OR2L3: variants seen among roughly 807,000 people sequenced by gnomAD.
OR2L3 encodes olfactory receptor 2L3.
For missense variants in OR2L3, 369 were observed against 376.6 expected, an observed-to-expected ratio of 0.98 and a Z score of 0.17; for synonymous variants, 131 against 139.1, an observed-to-expected ratio of 0.94 and a Z score of 0.41.
chr1:248,055,199 T>C (rs1038376592), intron 1 of OR2L3, among the ~76,000 whole-genome samples: 4 of 152,202 alleles, frequency 2.6e-5, no homozygotes, highest in African/African-American at 9.6e-5. Context: ...GAGATAATCA[T>C]GTAGTTTTTG....
chr1:248,063,027 A>T lies in OR2L3; in HGVS notation c.*1407A>T, dbSNP rs1572709199. Reference sequence around the variant, plus strand: ...TTTGTAGTATAGTTTGAAGTTTGGTACTCATGCCTCCAGTTTTTTCTTTTT... The same window carrying T: ...TTTGTAGTATAGTTTGAAGTTTGGTTCTCATGCCTCCAGTTTTTTCTTTTT... On this transcript the variant is annotated 3_prime_UTR_variant, in exon 2 of 2. Transcript: ENST00000359959. 1 of 152,078 alleles carries T rather than the reference A, an allele frequency of 6.6e-6. No homozygotes were observed. Among genetic ancestry groups the T allele is most frequent in the East Asian group, 1.9e-4 (1 of 5,198 alleles). 9.4% of individuals were successfully genotyped at this position (152,078 alleles called of 1,614,324 possible). A position where few individuals can be genotyped will look rare whatever the true frequency, so the allele number is the denominator to read the frequency against.
intron 1 of OR2L3, among the ~76,000 whole-genome samples, chr1:248,050,263 G>GAA (rs1226017285): frequency 7.0e-6 from 1 of 142,894 alleles, no homozygotes; most frequent in African/African-American, 2.5e-5. Context: ...AATTTTTAGT[G>GAA]AAAAAAAAAA....
chr1:248,061,194 G>A lies in OR2L3; in HGVS notation c.513G>A (p.Arg171=). The change falls in exon 2 of 2, where the codon AGG becomes AGA. Residue 171 remains arginine, a synonymous_variant. Coordinates refer to ENST00000359959, the MANE Select transcript of OR2L3 (RefSeq NM_001004687.2). The stretch of plus-strand genomic sequence containing the variant: ...TCCATATTCCTTATTGCCAATCCAG[G>A]GCCATCAATCATTTCTTCTGTGATG... The part of the protein sequence containing the change: ...YVLHIPYCQS[R]AINHFFCDVP... 1.2e-6 allele frequency: 2 copies of A among 1,611,922 alleles called. No homozygotes were observed. Among genetic ancestry groups the A allele is most frequent in the Non-Finnish European group, 1.7e-6 (2 of 1,179,532 alleles).
intron 1 of OR2L3, among the ~76,000 whole-genome samples, chr1:248,054,399 C>T (rs1477615729): frequency 1.3e-5 from 2 of 152,220 alleles, no homozygotes; most frequent in African/African-American, 4.8e-5. Flanking sequence ...CTGATGCCTC[C>T]AGCTTTGTTC....
chr1:248,057,929 G>A (rs910848091), intron 1 of OR2L3, among the ~76,000 whole-genome samples: 1 of 152,054 alleles, frequency 6.6e-6, no homozygotes, highest in African/African-American at 2.4e-5. Context: ...AATAATTTTA[G>A]TTCTTTCTTT....
rs996744524 is a variant in OR2L3 at position 248,062,394 on chromosome 1, G to T, written c.*774G>T. ...TTTCTGCTTAAAAATATCCAGTTTT[G>T]CCAGCACCTTATATTGAAGACACTG... On this transcript the variant is annotated 3_prime_UTR_variant, in exon 2 of 2. Coordinates refer to ENST00000359959, the MANE Select transcript of OR2L3 (RefSeq NM_001004687.2). The T allele has an allele frequency of 6.6e-6, 1 of 152,128 alleles. No homozygotes were observed. Among genetic ancestry groups the T allele is most frequent in the Non-Finnish European group, 1.5e-5 (1 of 68,034 alleles). The allele number at this position is 152,128 out of a possible 1,614,324, so 9.4% of individuals were successfully genotyped here.
chr1:248,061,078 A>G lies in OR2L3; in HGVS notation c.397A>G (p.Ile133Val), dbSNP rs1663614897. 1.9e-6 allele frequency: 3 copies of G among 1,614,022 alleles called. No homozygotes were observed. The highest frequency in any genetic ancestry group is 1.3e-5 in the African/African-American group (1 of 74,952). The change falls in exon 2 of 2, where the codon ATC becomes GTC. Residue 133 changes from isoleucine (I) to valine (V), a missense_variant. Coordinates refer to ENST00000359959, the MANE Select transcript of OR2L3 (RefSeq NM_001004687.2). The part of the protein sequence containing the change: ...IAICFPLHYP[I>V]RMSKRMCVLM... ...TATTTGCTTTCCTCTTCACTATCCC[A>G]TCCGCATGAGCAAAAGAATGTGTGT... is the stretch of plus-strand genomic sequence containing the variant.
intron 1 of OR2L3, among the ~76,000 whole-genome samples, chr1:248,050,318 C>T (rs1572698550): frequency 6.6e-6 from 1 of 151,780 alleles, no homozygotes; most frequent in East Asian, 1.9e-4. Context: ...AAAATACCTT[C>T]CTTATAGCTA....
intron 1 of OR2L3, among the ~76,000 whole-genome samples, chr1:248,047,777 G>A (rs1663125844): frequency 6.6e-6 from 1 of 152,188 alleles, no homozygotes; most frequent in Admixed American, 6.5e-5. Flanking sequence ...GATAAGAAGT[G>A]TGTGAGTGTA....
In OR2L3 at chr1:248,060,941, G is replaced by A; in HGVS notation, c.260G>A (p.Gly87Asp). The A allele has an allele frequency of 1.9e-6, 3 of 1,613,876 alleles. No individual in the cohort carries two copies. Among genetic ancestry groups the A allele is most frequent in the Non-Finnish European group, 2.5e-6 (3 of 1,179,874 alleles). Reference sequence around the variant, plus strand: ...AAGATGGCATCTGATTTTCTGTCTGGTAACAAGTCTATCTCCTTCACTGGG... The same window carrying A: ...AAGATGGCATCTGATTTTCTGTCTGATAACAAGTCTATCTCCTTCACTGGG... Reference protein sequence around the residue: ...VPKMASDFLSGNKSISFTGCG... With the variant: ...VPKMASDFLSDNKSISFTGCG... The change falls in exon 2 of 2, where the codon GGT (glycine) becomes GAT (aspartate). Residue 87 changes from glycine to aspartate, a missense_variant. Physicochemically the swap from Gly to Asp is moderately conservative, Grantham distance 94. Transcript: ENST00000359959.
chr1:248,061,593 T>C lies in OR2L3; in HGVS notation c.912T>C (p.Ser304=). 1 of 1,612,536 alleles carries C rather than the reference T, an allele frequency of 6.2e-7. No individual in the cohort carries two copies. Among genetic ancestry groups the C allele is most frequent in the Non-Finnish European group, 8.5e-7 (1 of 1,179,352 alleles). The part of the protein sequence containing the change: ...KEVMGALTRV[S]QRICSGKM ...TGATGGGGGCCCTGACACGAGTGAGTCAGAGAATCTGCTCTGGGAAAATGT... is the reference window on the plus strand; with the variant it reads ...TGATGGGGGCCCTGACACGAGTGAGCCAGAGAATCTGCTCTGGGAAAATGT... Residue 304 remains serine (S), a synonymous_variant, in exon 2 of 2, where the codon AGT becomes AGC. Transcript: ENST00000359959.
At chr1:248,060,138 G>C (rs949545163) in intron 1 of OR2L3, among the ~76,000 whole-genome samples, 7 of 151,704 alleles carry the variant, frequency 4.6e-5, no homozygotes, top group Non-Finnish European at 5.9e-5. Context: ...CATTTATACT[G>C]ACTTTCTATG....
chr1:248,061,503 T>C lies in OR2L3; in HGVS notation c.822T>C (p.Ala274=), dbSNP rs372349461. 7.5e-5 allele frequency: 121 copies of C among 1,613,852 alleles called. No homozygotes were observed. Among genetic ancestry groups the C allele is most frequent in the Non-Finnish European group, 9.8e-5 (116 of 1,179,932 alleles). ...CTCCAACAGAGGACAAGGTTCTGGC[T>C]GTCTTCTACACCACCCTCACTCCAA... is the stretch of plus-strand genomic sequence containing the variant. ...LRSPTEDKVL[A]VFYTTLTPML... Residue 274 remains alanine (A), a synonymous_variant, in exon 2 of 2, where the codon GCT becomes GCC. Transcript: ENST00000359959.
intron 1 of OR2L3, 112 bp downstream of exon 1, chr1:248,046,992 C>A (rs192698559): frequency 2.0e-5 from 3 of 152,256 alleles, no homozygotes; most frequent in African/African-American, 7.2e-5. Context: ...AATTTCAGCA[C>A]TAATAACTGT....
Position 248,062,297 on chromosome 1 carries a change from A to G in OR2L3, c.*677A>G, listed in dbSNP as rs1321722700. On this transcript the variant is annotated 3_prime_UTR_variant, in exon 2 of 2. Coordinates refer to ENST00000359959, the MANE Select transcript of OR2L3 (RefSeq NM_001004687.2). The stretch of plus-strand genomic sequence containing the variant: ...GAACATGCCAGCAGTAATAAAAATG[A>G]TTACATTTAGGTCTTTAACCTGTTT... 2 of 152,216 alleles carry G rather than the reference A, an allele frequency of 1.3e-5. No individual in the cohort carries two copies. The highest frequency in any genetic ancestry group is 2.4e-5 in the African/African-American group (1 of 41,438). The allele number at this position is 152,216 out of a possible 1,614,324, so 9.4% of individuals were successfully genotyped here.
At chr1:248,048,448 G>A (rs754441507) in intron 1 of OR2L3, among the ~76,000 whole-genome samples, 1 of 152,172 alleles carries the variant, frequency 6.6e-6, no homozygotes, top group Non-Finnish European at 1.5e-5. Context: ...GGAATCTCCT[G>A]TAGGATTCCA....
At position 248,062,261 on chromosome 1, in the gene OR2L3, CAAAAGGACT is replaced by C. The variant is rs1663669353; in HGVS notation, c.*642_*650del. 1.3e-5 allele frequency: 2 copies of C among 152,302 alleles called. No homozygotes were observed. Among genetic ancestry groups the C allele is most frequent in the African/African-American group, 4.8e-5 (2 of 41,558 alleles). 9.4% of individuals were successfully genotyped at this position (152,302 alleles called of 1,614,324 possible). On this transcript the variant is annotated 3_prime_UTR_variant, in exon 2 of 2. Coordinates refer to ENST00000359959, the MANE Select transcript of OR2L3 (RefSeq NM_001004687.2). Reference sequence around the variant, plus strand: ...TAACATTAGGTATATTTTAGATCAACAAAAGGACTGGAACATGCCAGCAGTAATAAAAAT... The same window carrying C: ...TAACATTAGGTATATTTTAGATCAACGGAACATGCCAGCAGTAATAAAAAT...
At chr1:248,060,289 G>T (rs1663580613) in intron 1 of OR2L3, among the ~76,000 whole-genome samples, 1 of 152,062 alleles carries the variant, frequency 6.6e-6, no homozygotes, top group Non-Finnish European at 1.5e-5. Context: ...GGTAACAAAT[G>T]TTGGTATCAT....
At chr1:248,054,869 A>G (rs766813861) in intron 1 of OR2L3, among the ~76,000 whole-genome samples, 2 of 152,064 alleles carry the variant, frequency 1.3e-5, no homozygotes, top group Non-Finnish European at 1.5e-5. Flanking sequence ...TCTAGATAGA[A>G]TCATATCATC....
Sources: gnomAD v4.1 joint callset for allele counts (sites outside exome capture counted in the v4.1 genomes callset) on GRCh38, gnomAD v4.1.1 for gene constraint, MANE v1.5 for transcripts, NCBI Gene and HGNC (gene_info 2026-07-23, HGNC 2026-07-21) for gene names.